ZBTB45: variants seen among roughly 807,000 people sequenced by gnomAD.
ZBTB45 encodes zinc finger and BTB domain containing 45, also known as zinc finger and BTB domain-containing protein 45.
Under a neutral mutation model 28.4 loss-of-function variants are expected in ZBTB45, and 22 were observed. The ratio of observed to expected loss-of-function variants is 0.77; its 90% CI spans 0.55 to 1.10. The LOEUF (loss-of-function observed/expected upper bound fraction) is 1.10, where lower values mean the gene tolerates loss of function less well. Among genes scored for constraint, ZBTB45 ranks in the 50% least tolerant of loss-of-function variants. The pLI, the probability that ZBTB45 is intolerant of heterozygous loss-of-function variation, is 0.00. For synonymous variants in ZBTB45, 361 were observed against 332.3 expected (o/e 1.09, Z -0.94); for missense variants, 656 against 750.2 (o/e 0.87, Z 1.47).
intron 1 of ZBTB45, among the ~76,000 whole-genome samples, chr19:58,533,828 C>T (rs903277356): frequency 2.0e-5 from 3 of 152,172 alleles, no homozygotes; most frequent in Non-Finnish European, 2.9e-5. Context: ...ACTGTAGCAG[C>T]TGTGTTAATA....
At position 58,517,020 on chromosome 19, in the gene ZBTB45, G is replaced by A. The variant is rs758715751; in HGVS notation, c.654C>T (p.Thr218=). ...DEDDEESDDE[T]DGEDGEGGGP... is the part of the protein sequence containing the mutation. The stretch of plus-strand genomic sequence containing the variant: ...CGCCACCTTCGCCATCCTCGCCATC[G>A]GTCTCATCGTCACTTTCCTCGTCAT... The change falls in exon 2 of 3, where the codon ACC becomes ACT. Residue 218 remains threonine, a synonymous_variant. Coordinates refer to ENST00000594051, the MANE Select transcript of ZBTB45 (RefSeq NM_001316979.2). 42 of 1,613,154 alleles carry A rather than the reference G, an allele frequency of 2.6e-5. No individual in the cohort carries two copies. The South Asian group carries it at 3.2e-4, about 12-fold the overall frequency.
In ZBTB45 at chr19:58,517,546, G is replaced by A. The variant is rs778279178; in HGVS notation, c.128C>T (p.Ser43Leu). The change falls in exon 2 of 3, where the codon TCG becomes TTG. Residue 43 changes from serine to leucine, a missense_variant. Physicochemically the swap from Ser to Leu is moderately radical, Grantham distance 145. This residue lies in a region of ZBTB45 where 105 missense variants were observed against 152.4 expected (regional missense o/e 0.69). Transcript: ENST00000594051. ...CAGCACGCAGCGGTGGGCACGCAGC[G>A]AAGCTTCACGAATGCGCACAGTCAC... ...CDVTVRIREA[S>L]LRAHRCVLAA... 19 of 1,613,530 alleles carry A rather than the reference G, an allele frequency of 1.2e-5. No individual in the cohort carries two copies. The highest frequency in any genetic ancestry group is 4.0e-5 in the African/African-American group (3 of 74,880).
In ZBTB45 at chr19:58,517,625, G is replaced by A. The variant is rs766262308; in HGVS notation, c.49C>T (p.Arg17Cys). 1.7e-5 allele frequency: 27 copies of A among 1,613,814 alleles called. No individual in the cohort carries two copies. Among genetic ancestry groups the A allele is most frequent in the African/African-American group, 5.3e-5 (4 of 74,886 alleles). The change falls in exon 2 of 3, where the codon CGC (arginine) becomes TGC (cysteine). Residue 17 changes from arginine (R) to cysteine (C), a missense_variant. By Grantham distance (180) the Arg-to-Cys change is radical (BLOSUM62 -3). Around this residue, in one of 3 missense-constraint regions of ZBTB45, gnomAD observed 105 missense variants for 152.4 expected, o/e 0.69. Transcript: ENST00000594051. ...CCATTGAGGGTCTCAAGCAGAGAGC[G>A]TGAGAAGTTCTGCAGGTGTATGTGA... The part of the protein sequence containing the change: ...VHHIHLQNFS[R>C]SLLETLNGQR...
upstream of ZBTB45, among the ~76,000 whole-genome samples, chr19:58,524,397 GTATA>G (rs113559821): frequency 2.9e-5 from 4 of 135,648 alleles, no homozygotes; most frequent in East Asian, 2.5e-4. Flanking sequence ...AAAAGAATGT[GTATA>G]TATATGTGTG....
chr19:58,513,548 T>C lies in ZBTB45; in HGVS notation c.*506A>G, dbSNP rs1415876170. 6.5e-6 allele frequency: 1 copy of C among 154,134 alleles called. No homozygotes were observed. The allele number at this position is 154,134 out of a possible 1,614,324, so 9.5% of individuals were successfully genotyped here. On this transcript the variant is annotated 3_prime_UTR_variant, in exon 3 of 3. Coordinates refer to ENST00000594051, the MANE Select transcript of ZBTB45 (RefSeq NM_001316979.2). ...TCACAGCTTCGTGGTTTAGGCCCCA[T>C]GGCCTACAGTCCTTTATTAGAGCGA...
chr19:58,524,158 G>A (rs1327393731), upstream of ZBTB45, among the ~76,000 whole-genome samples: 2 of 149,636 alleles, frequency 1.3e-5, no homozygotes, highest in African/African-American at 4.9e-5. Flanking sequence ...CCTGAGATCA[G>A]GAGTTCCAGC....
chr19:58,517,337 T>C lies in ZBTB45; in HGVS notation c.337A>G (p.Thr113Ala). 1 of 1,611,268 alleles carries C rather than the reference T, an allele frequency of 6.2e-7. No individual in the cohort carries two copies. The highest frequency in any genetic ancestry group is 8.5e-7 in the Non-Finnish European group (1 of 1,179,802). ...ATCTGCGTGCATTCGTCGATAACTG[T>C]CTGTATGCGAAGCACTGACGCGGCC... ...LTAASVLRIQTVIDECTQIIA... is the reference protein window; with the variant it reads ...LTAASVLRIQAVIDECTQIIA... Residue 113 changes from threonine (T) to alanine (A), a missense_variant, in exon 2 of 3, where the codon ACA (threonine) becomes GCA (alanine). By Grantham distance (58) the Thr-to-Ala change is moderately conservative (BLOSUM62 0). This residue lies in a region of ZBTB45 where 448 missense variants were observed against 444.3 expected (regional missense o/e 1.01). Transcript: ENST00000594051.
intron 1 of ZBTB45, among the ~76,000 whole-genome samples, chr19:58,538,354 T>C (rs1006934003): frequency 4.6e-5 from 7 of 152,056 alleles, no homozygotes; most frequent in Admixed American, 6.5e-5. Flanking sequence ...ACTTTCCCTA[T>C]TATCAGAGGA....
At chr19:58,529,719 A>G (rs1600069403) in intron 1 of ZBTB45, among the ~76,000 whole-genome samples, 1 of 152,272 alleles carries the variant, frequency 6.6e-6, no homozygotes, top group East Asian at 1.9e-4. Flanking sequence ...TCAACCCGTC[A>G]TCTACATTAG....
intron 1 of ZBTB45, among the ~76,000 whole-genome samples, chr19:58,527,076 G>A (rs1008269310): frequency 5.9e-5 from 9 of 152,116 alleles, no homozygotes; most frequent in South Asian, 4.1e-4. Flanking sequence ...GTTCCATCCC[G>A]AAAAGACACA....
chr19:58,514,123 G>A lies in ZBTB45; in HGVS notation c.1467C>T (p.Pro489=), dbSNP rs762119162. The part of the protein sequence containing the change: ...RTHRPERAPC[P]ACGKVFSHRA... Reference sequence around the variant, plus strand: ...GGTGCGAGAAGACCTTGCCGCAGGCGGGGCAGGGCGCGCGCTCGGGCCGGT... The same window carrying A: ...GGTGCGAGAAGACCTTGCCGCAGGCAGGGCAGGGCGCGCGCTCGGGCCGGT... The change falls in exon 3 of 3, where the codon CCC becomes CCT. Residue 489 remains proline (P), a synonymous_variant. Coordinates refer to ENST00000594051, the MANE Select transcript of ZBTB45 (RefSeq NM_001316979.2). The A allele has an allele frequency of 1.3e-6, 2 of 1,598,516 alleles. No homozygotes were observed. The highest frequency in any genetic ancestry group is 1.7e-6 in the Non-Finnish European group (2 of 1,172,854).
upstream of ZBTB45, among the ~76,000 whole-genome samples, chr19:58,524,010 G>T (rs906643746): frequency 7.2e-6 from 1 of 138,346 alleles, no homozygotes; most frequent in Non-Finnish European, 1.5e-5. Context: ...GGAGGTGGAG[G>T]TTGCAGTGAG....
intron 1 of ZBTB45, among the ~76,000 whole-genome samples, chr19:58,526,521 T>TATC (rs1479090250): frequency 1.4e-5 from 1 of 69,430 alleles, no homozygotes; most frequent in Non-Finnish European, 3.5e-5. Flanking sequence ...TTATTATTAT[T>TATC]ATTATTTTTT....
rs1321092095 is a variant in ZBTB45, at chr19:58,514,138, C to T, written c.1452G>A (p.Glu484=). ...TGCCGCAGGCGGGGCAGGGCGCGCG[C>T]TCGGGCCGGTGAGTGCGCATGTGCA... ...LNVHMRTHRP[E]RAPCPACGKV... is the part of the protein sequence containing the mutation. Residue 484 remains glutamate, a synonymous_variant, in exon 3 of 3, where the codon GAG becomes GAA. Coordinates refer to ENST00000594051, the MANE Select transcript of ZBTB45 (RefSeq NM_001316979.2). The T allele has an allele frequency of 6.2e-7, 1 of 1,603,400 alleles. No individual in the cohort carries two copies. Among genetic ancestry groups the T allele is most frequent in the Non-Finnish European group, 8.5e-7 (1 of 1,175,570 alleles).
chr19:58,518,002 T>TCACC (rs1555796308), intron 1 of ZBTB45, among the ~76,000 whole-genome samples: 3 of 150,400 alleles, frequency 2.0e-5, no homozygotes, highest in Non-Finnish European at 4.4e-5. Flanking sequence ...CTATGTTGAC[T>TCACC]CACCCACCCA....
In ZBTB45 at chr19:58,538,202, T is replaced by A. The variant is rs1218132141; in HGVS notation, c.-1+499A>T. ...TGCACTGCCAGCACCAACTTTTTTT[T>A]TTTCTTTTCTTTTCTTTTCTTTTTT... On this transcript the variant is annotated intron_variant, in intron 1 of 1. Transcript: ENST00000600130. Among the ~76,000 whole-genome samples the A allele has an allele frequency of 2.4e-4, 36 of 150,796 alleles. 1 individual carries two copies. The highest frequency in any genetic ancestry group is 2.1e-4 in the South Asian group (1 of 4,782).
rs373686981 is a variant in ZBTB45, at chr19:58,517,317, C to T, written c.357G>A (p.Thr119=). The T allele has an allele frequency of 2.2e-5, 35 of 1,608,354 alleles. No homozygotes were observed. Among genetic ancestry groups the T allele is most frequent in the Non-Finnish European group, 2.7e-5 (32 of 1,179,220 alleles). The change falls in exon 2 of 3, where the codon ACG becomes ACA. Residue 119 remains threonine (T), a synonymous_variant. Transcript: ENST00000594051. ...GGGCTCGAGCGCGGGCGATAATCTGCGTGCATTCGTCGATAACTGTCTGTA... is the reference window on the plus strand; with the variant it reads ...GGGCTCGAGCGCGGGCGATAATCTGTGTGCATTCGTCGATAACTGTCTGTA... The part of the protein sequence containing the change: ...LRIQTVIDEC[T]QIIARARAPG...
At chr19:58,523,205 C>G (rs2053587611), upstream of ZBTB45, among the ~76,000 whole-genome samples, 1 of 151,996 alleles carries the variant, frequency 6.6e-6, no homozygotes, top group African/African-American at 2.4e-5. Flanking sequence ...GAGCTGCAGC[C>G]TCAAGGGTTA....
chr19:58,525,640 G>A (rs2053603327), intron 1 of ZBTB45, among the ~76,000 whole-genome samples: 1 of 152,226 alleles, frequency 6.6e-6, no homozygotes, highest in South Asian at 2.1e-4. Flanking sequence ...GACCAGGCAA[G>A]TTGCCGTTGG....
Sources: gnomAD v4.1 joint callset for allele counts (sites outside exome capture counted in the v4.1 genomes callset) on GRCh38, gnomAD v4.1.1 for gene constraint, gnomAD v4.1.1 regional missense constraint, MANE v1.5 for transcripts, NCBI Gene and HGNC (gene_info 2026-07-23, HGNC 2026-07-21) for gene names.